Variants in BMPR1A observed in about 807,000 individuals in gnomAD.
The protein encoded by BMPR1A is bone morphogenetic protein receptor type-1A.
Under a neutral mutation model 66.0 loss-of-function variants are expected in BMPR1A, and 7 were observed. The ratio of observed to expected loss-of-function variants is 0.11; its 90% CI spans 0.06 to 0.20. The LOEUF is 0.20. Ranked by LOEUF, BMPR1A falls within the 10% of genes least tolerant of loss-of-function variation. The pLI is 1.00. For missense variants in BMPR1A, 408 were observed against 669.1 expected (o/e 0.61, Z 4.31); for synonymous variants, 200 against 229.7 (o/e 0.87, Z 1.17).
chr10:86,817,067 A>G (rs1312234221), intron 1 of BMPR1A, among the ~76,000 whole-genome samples: 2 of 152,210 alleles, frequency 1.3e-5, no homozygotes, highest in African/African-American at 4.8e-5. Context: ...TCCAATTTTT[A>G]AAATCAAGGT....
intron 3 of BMPR1A, among the ~76,000 whole-genome samples, chr10:86,887,908 G>A (rs935693615): frequency 4.6e-5 from 7 of 152,122 alleles, no homozygotes; most frequent in Admixed American, 4.6e-4. Flanking sequence ...TAGGCCCATG[G>A]CAAAACAGAA....
At chr10:86,876,944 G>A (rs1763973486) in intron 3 of BMPR1A, among the ~76,000 whole-genome samples, 1 of 152,182 alleles carries the variant, frequency 6.6e-6, no homozygotes, top group African/African-American at 2.4e-5. Context: ...CAAACAGGAA[G>A]TTATTGTGAT....
chr10:86,925,076 T>G lies in BMPR1A; in HGVS notation c.*1357T>G, dbSNP rs943189082. The G allele has an allele frequency of 2.2e-5, 5 of 232,098 alleles. No homozygotes were observed. Among genetic ancestry groups the G allele is most frequent in the African/African-American group, 1.1e-4 (5 of 45,320 alleles). 14.4% of individuals were successfully genotyped at this position (232,098 alleles called of 1,614,324 possible). On this transcript the variant is annotated 3_prime_UTR_variant, in exon 13 of 13. Coordinates refer to ENST00000372037, the MANE Select transcript of BMPR1A (RefSeq NM_004329.3). ...GAGATTTTTGGTTTTTTGATTTCTATTCCCTAACTTGTGAAGACAATGAAA... is the reference window on the plus strand; with the variant it reads ...GAGATTTTTGGTTTTTTGATTTCTAGTCCCTAACTTGTGAAGACAATGAAA...
intron 2 of BMPR1A, among the ~76,000 whole-genome samples, chr10:86,860,171 A>T (rs746721327): frequency 6.6e-6 from 1 of 152,212 alleles, no homozygotes; most frequent in African/African-American, 2.4e-5. Flanking sequence ...ATGTTCATCA[A>T]CGAGAATGAG....
Position 86,884,394 on chromosome 10 carries a change from A to ATTTTTTTTTTTTTTTTTT in BMPR1A, c.68-5648_68-5631dup, listed in dbSNP as rs759424209. 6.1e-5 allele frequency among the ~76,000 whole-genome samples: 3 copies of ATTTTTTTTTTTTTTTTTT among 49,346 alleles called. 1 individual carries two copies. Among genetic ancestry groups the ATTTTTTTTTTTTTTTTTT allele is most frequent in the Non-Finnish European group, 1.3e-4 (3 of 22,330 alleles). 32.4% of individuals were successfully genotyped at this position (49,346 alleles called of 152,430 possible). ...AGCCACCATGCCTGGCAAACACATGATTTTTTTTTTTTTTTTTTTTTTTTT... is the reference window on the plus strand; with the variant it reads ...AGCCACCATGCCTGGCAAACACATGATTTTTTTTTTTTTTTTTTTTTTTTTTTTTTTTTTTTTTTTTTT... On this transcript the variant is annotated intron_variant, in intron 3 of 12. Coordinates refer to ENST00000372037, the MANE Select transcript of BMPR1A (RefSeq NM_004329.3).
intron 1 of BMPR1A, among the ~76,000 whole-genome samples, chr10:86,799,231 A>G (rs1356645707): frequency 6.6e-6 from 1 of 152,180 alleles, no homozygotes; most frequent in Non-Finnish European, 1.5e-5. Flanking sequence ...ACCCTAACCA[A>G]CCATTTCTGC....
intron 2 of BMPR1A, among the ~76,000 whole-genome samples, chr10:86,844,301 T>A (rs1317560275): frequency 2.0e-5 from 3 of 152,228 alleles, no homozygotes; most frequent in African/African-American, 7.2e-5. Flanking sequence ...TTTGCTATCA[T>A]GTTAAATGCT....
intron 2 of BMPR1A, among the ~76,000 whole-genome samples, chr10:86,839,416 A>G (rs941233085): frequency 2.6e-5 from 4 of 152,018 alleles, no homozygotes; most frequent in Non-Finnish European, 4.4e-5. Context: ...AACATGGCGA[A>G]ATCTCGTCTC....
chr10:86,926,594 T>G lies in BMPR1A; in HGVS notation c.*2875T>G, dbSNP rs922086958. 1.1e-5 allele frequency: 2 copies of G among 179,508 alleles called. No homozygotes were observed. The highest frequency in any genetic ancestry group is 4.7e-5 in the African/African-American group (2 of 42,350). 11.1% of individuals were successfully genotyped at this position (179,508 alleles called of 1,614,324 possible). A position where few individuals can be genotyped will look rare whatever the true frequency, so the allele number is the denominator to read the frequency against. ...TAGTTCTTGTCTCTCCTTTCCACTC[T>G]TATTCTTAAATCTGAAGCTCATCGA... On this transcript the variant is annotated 3_prime_UTR_variant, in exon 13 of 13. Coordinates refer to ENST00000372037, the MANE Select transcript of BMPR1A (RefSeq NM_004329.3).
chr10:86,889,863 C>G (rs1022360154), intron 3 of BMPR1A, 199 bp from the exon 4 acceptor site: 1 of 628,424 alleles, frequency 1.6e-6, no homozygotes. Flanking sequence ...TCATGTACCC[C>G]GCAATACCTG....
chr10:86,761,092 T>C (rs969676751), intron 1 of BMPR1A, among the ~76,000 whole-genome samples: 1 of 152,210 alleles, frequency 6.6e-6, no homozygotes, highest in Non-Finnish European at 1.5e-5. Context: ...TCCCCAGTAG[T>C]GTTTTTTGAA....
chr10:86,855,211 G>GT (rs1201265780), intron 2 of BMPR1A: 3 of 867,266 alleles, frequency 3.5e-6, no homozygotes, highest in East Asian at 5.9e-5. Flanking sequence ...GCGTCGCTAA[G>GT]TTTTTTAACC....
intron 8 of BMPR1A, among the ~76,000 whole-genome samples, chr10:86,912,717 A>T (rs1045828889): frequency 2.6e-5 from 4 of 152,206 alleles, no homozygotes; most frequent in Non-Finnish European, 5.9e-5. Flanking sequence ...TTACCAGCCA[A>T]CTTAAAGAGG....
At chr10:86,858,800 C>T (rs1842677779) in intron 2 of BMPR1A, among the ~76,000 whole-genome samples, 1 of 152,024 alleles carries the variant, frequency 6.6e-6, no homozygotes. Context: ...GGAAAGACAT[C>T]CATATTCAAG....
chr10:86,854,659 C>T (rs921694160), intron 2 of BMPR1A: 7 of 193,862 alleles, frequency 3.6e-5, no homozygotes, highest in Middle Eastern at 5.1e-4. Flanking sequence ...CAAATGTTAA[C>T]GACCTGGAAA....
chr10:86,908,421 TAGGC>T (rs1164552132), intron 7 of BMPR1A, among the ~76,000 whole-genome samples: 3 of 152,198 alleles, frequency 2.0e-5, no homozygotes, highest in African/African-American at 4.8e-5. Context: ...AGGCTGTTGA[TAGGC>T]AGGAGGTGTT....
intron 1 of BMPR1A, among the ~76,000 whole-genome samples, chr10:86,801,145 T>C (rs1355419467): frequency 6.6e-6 from 1 of 152,206 alleles, no homozygotes; most frequent in Non-Finnish European, 1.5e-5. Flanking sequence ...ATTTTTGTTT[T>C]TATATATTTT....
chr10:86,865,028 C>T (rs1486111652), intron 2 of BMPR1A, among the ~76,000 whole-genome samples: 1 of 152,072 alleles, frequency 6.6e-6, no homozygotes, highest in East Asian at 1.9e-4. Flanking sequence ...TTTATTTTTC[C>T]TATTAATATA....
At chr10:86,774,976 T>C (rs541811689) in intron 1 of BMPR1A, among the ~76,000 whole-genome samples, 4 of 152,240 alleles carry the variant, frequency 2.6e-5, no homozygotes, top group Non-Finnish European at 4.4e-5. Context: ...GGTAAAATAC[T>C]TCCCGTGAAA....
Sources: gnomAD v4.1 joint callset for allele counts (sites outside exome capture counted in the v4.1 genomes callset) on GRCh38, gnomAD v4.1.1 for gene constraint, MANE v1.5 for transcripts, NCBI Gene and HGNC (gene_info 2026-07-23, HGNC 2026-07-21) for gene names.